Variants in UST observed in about 807,000 individuals in gnomAD.
The protein encoded by UST is uronyl 2-sulfotransferase, also known as chondroitin sulfate 2-O-sulfotransferase.
In UST, 21 loss-of-function variants were observed where a neutral mutation model predicts 45.6. That is an observed-to-expected ratio of 0.46 (90% confidence interval 0.33 to 0.66). UST has a LOEUF of 0.66. Ranked by LOEUF, UST falls within the 30% of genes least tolerant of loss-of-function variation. The probability of loss-of-function intolerance (pLI) is 0.02; values close to 1 mark genes in which losing one functional copy is unlikely to be tolerated. For synonymous variants in UST, 215 were observed against 200.6 expected, an observed-to-expected ratio of 1.07 and a Z score of -0.61; for missense variants, 463 against 512.4, an observed-to-expected ratio of 0.90 and a Z score of 0.93.
intron 1 of UST, among the ~76,000 whole-genome samples, chr6:148,867,748 A>G (rs1332419710): frequency 1.3e-5 from 2 of 151,814 alleles, no homozygotes; most frequent in East Asian, 3.9e-4. Flanking sequence ...AGTCTATTAA[A>G]CCTCTTTTTC....
rs777057261 is a variant in UST, at chr6:148,799,511, C to G, written c.247+51834C>G. Among the ~76,000 whole-genome samples the G allele has an allele frequency of 1.3e-3, 192 of 152,136 alleles. 2 individuals are homozygous for G. Among genetic ancestry groups the G allele is most frequent in the Non-Finnish European group, 2.8e-4 (19 of 68,018 alleles). ...CCGGCAACTGAGTGGTAAAACTCTACTCTCAGGGGTCCCTTCTTGTTCAGG... is the reference window on the plus strand; with the variant it reads ...CCGGCAACTGAGTGGTAAAACTCTAGTCTCAGGGGTCCCTTCTTGTTCAGG... On this transcript the variant is annotated intron_variant, in intron 1 of 7. Transcript: ENST00000367463.
intron 2 of UST, among the ~76,000 whole-genome samples, chr6:148,932,888 C>A (rs9390640): frequency 0.34 from 51,442 of 152,028 alleles, 8,810 homozygotes; most frequent in South Asian, 0.44. Flanking sequence ...GTGGTCATCC[C>A]TAAGTATTGT....
intron 1 of UST, among the ~76,000 whole-genome samples, chr6:148,811,412 T>C (rs1375451743): frequency 6.6e-6 from 1 of 152,206 alleles, no homozygotes; most frequent in Non-Finnish European, 1.5e-5. Context: ...ATTCAAAAAA[T>C]GAGGAAAGAG....
chr6:148,788,799 A>G (rs544127861), intron 1 of UST, among the ~76,000 whole-genome samples: 15 of 152,350 alleles, frequency 9.8e-5, no homozygotes, highest in Admixed American at 3.3e-4. Context: ...TAACGATCTC[A>G]TCAACATGAT....
intron 1 of UST, among the ~76,000 whole-genome samples, chr6:148,867,682 T>G (rs150493603): frequency 6.8e-4 from 103 of 152,296 alleles, no homozygotes; most frequent in Middle Eastern, 3.4e-3. Flanking sequence ...CCATGTAAGA[T>G]GTGCCTTTCA....
chr6:149,027,756 C>G (rs1373297257), intron 7 of UST: 2 of 151,776 alleles, frequency 1.3e-5, no homozygotes, highest in African/African-American at 4.8e-5. Context: ...CCATCCCTCT[C>G]TCTTCATAAC....
rs150397284 is a variant in UST at position 148,771,371 on chromosome 6, C to T, written c.247+23694C>T. Among the ~76,000 whole-genome samples the T allele has an allele frequency of 1.5e-3, 236 of 152,272 alleles. 1 individual carries two copies. Among genetic ancestry groups the T allele is most frequent in the African/African-American group, 5.5e-3 (228 of 41,550 alleles). On this transcript the variant is annotated intron_variant, in intron 1 of 7. Transcript: ENST00000367463. ...GTGGCTGTTGAGCTTGCATTCTGAGCGTAGCTTTTTGTAGAGCTGTTCAGC... is the reference window on the plus strand; with the variant it reads ...GTGGCTGTTGAGCTTGCATTCTGAGTGTAGCTTTTTGTAGAGCTGTTCAGC...
intron 4 of UST, among the ~76,000 whole-genome samples, chr6:148,956,374 G>A (rs902271389): frequency 1.5e-4 from 8 of 52,108 alleles, no homozygotes; most frequent in Admixed American, 2.5e-4. Context: ...TTACATGGTG[G>A]CGGCAAGAGA....
chr6:148,984,898 A>G (rs1433866496), intron 5 of UST, among the ~76,000 whole-genome samples: 1 of 152,238 alleles, frequency 6.6e-6, no homozygotes. Flanking sequence ...TTGTCATGGT[A>G]CATGAGACCA....
Position 148,941,342 on chromosome 6 carries a change from G to C in UST, c.355G>C (p.Val119Leu). The C allele has an allele frequency of 6.2e-7, 1 of 1,613,152 alleles. No individual in the cohort carries two copies. Among genetic ancestry groups the C allele is most frequent in the Admixed American group, 1.7e-5 (1 of 59,630 alleles). ...AGGCAAGTGTGGGAGCCGTACTGTGGTCTTGCTTCTGAGAATCTTGTCGGA... is the reference window on the plus strand; with the variant it reads ...AGGCAAGTGTGGGAGCCGTACTGTGCTCTTGCTTCTGAGAATCTTGTCGGA... ...RVGKCGSRTV[V>L]LLLRILSEKH... The change falls in exon 3 of 8, where the codon GTC becomes CTC. Residue 119 changes from valine to leucine, a missense_variant. Coordinates refer to ENST00000367463, the MANE Select transcript of UST (RefSeq NM_005715.3).
At chr6:148,933,414 T>A (rs955804220) in intron 2 of UST, among the ~76,000 whole-genome samples, 1 of 152,200 alleles carries the variant, frequency 6.6e-6, no homozygotes, top group Non-Finnish European at 1.5e-5. Flanking sequence ...TATATTTATT[T>A]TTCTGTAGGT....
intron 4 of UST, among the ~76,000 whole-genome samples, chr6:148,958,461 T>C (rs542450241): frequency 6.6e-6 from 1 of 152,332 alleles, no homozygotes; most frequent in East Asian, 1.9e-4. Context: ...CAAATGTTTT[T>C]CACCTGGACT....
chr6:148,840,591 G>A (rs987370897), intron 1 of UST, among the ~76,000 whole-genome samples: 4 of 152,142 alleles, frequency 2.6e-5, no homozygotes, highest in African/African-American at 7.2e-5. Flanking sequence ...AGTGGACTCT[G>A]AGGGACCTGT....
At chr6:148,958,005 C>T (rs144692503) in intron 4 of UST, among the ~76,000 whole-genome samples, 287 of 152,294 alleles carry the variant, frequency 1.9e-3, no homozygotes, top group African/African-American at 6.3e-3. Flanking sequence ...CCTCCCCACA[C>T]TTTTTTTGCA....
intron 7 of UST, among the ~76,000 whole-genome samples, chr6:149,058,991 T>C (rs971139427): frequency 3.9e-5 from 6 of 152,216 alleles, no homozygotes; most frequent in African/African-American, 1.4e-4. Context: ...CAAACAAATA[T>C]GTCAGCTTTT....
At chr6:149,004,105 G>A (rs1781602979) in intron 5 of UST, among the ~76,000 whole-genome samples, 1 of 152,202 alleles carries the variant, frequency 6.6e-6, no homozygotes, top group African/African-American at 2.4e-5. Flanking sequence ...AGTATTTAAT[G>A]TATTTAATAT....
intron 5 of UST, among the ~76,000 whole-genome samples, chr6:148,970,232 A>G (rs138835144): frequency 9.6e-4 from 146 of 152,234 alleles, no homozygotes; most frequent in Non-Finnish European, 1.3e-3. Context: ...GCAAGGGAGG[A>G]GAGGAGGGAC....
rs553782058 is a variant in UST at position 148,967,358 on chromosome 6, T to G, written c.681+2795T>G. ...GATTCAAGAGAGGAGAGCCTGGTGGTGGGGGGGAGGGGTGTCCCCTTCATG... is the reference window on the plus strand; with the variant it reads ...GATTCAAGAGAGGAGAGCCTGGTGGGGGGGGGGAGGGGTGTCCCCTTCATG... On this transcript the variant is annotated intron_variant, in intron 5 of 7. Transcript: ENST00000367463. 6.3e-5 allele frequency among the ~76,000 whole-genome samples: 9 copies of G among 142,964 alleles called. No homozygotes were observed. In the South Asian group the frequency reaches 1.0e-3, roughly 16 times the overall value. 93.8% of individuals were successfully genotyped at this position (142,964 alleles called of 152,430 possible).
At chr6:148,872,532 G>C (rs1778578279) in intron 1 of UST, among the ~76,000 whole-genome samples, 1 of 144,674 alleles carries the variant, frequency 6.9e-6, no homozygotes, top group African/African-American at 2.9e-5. Context: ...TTTGCTCATA[G>C]AAAGAAGTGA....
Sources: allele counts gnomAD v4.1 joint callset (sites outside exome capture counted in the v4.1 genomes callset), GRCh38; gene constraint gnomAD v4.1.1; transcripts MANE v1.5; gene names NCBI Gene and HGNC (gene_info 2026-07-23, HGNC 2026-07-21).